Variants in SMAD2 observed in about 807,000 individuals in gnomAD.
SMAD2 encodes MAD homolog 2.
A neutral mutation model predicts 64.4 loss-of-function variants in SMAD2; 8 were observed. The ratio of observed to expected loss-of-function variants is 0.12; its 90% confidence interval spans 0.07 to 0.22. The LOEUF is 0.22. SMAD2 is among the 10% of genes least tolerant of loss of function. The pLI is 1.00. For missense variants in SMAD2, 289 were observed against 561.2 expected, an observed-to-expected ratio of 0.51 and a Z score of 4.90; for synonymous variants, 203 against 195.8, an observed-to-expected ratio of 1.04 and a Z score of -0.31.
chr18:47,844,116 C>T (rs1338481563), intron 10 of SMAD2, among the ~76,000 whole-genome samples: 1 of 152,078 alleles, frequency 6.6e-6, no homozygotes, highest in Non-Finnish European at 1.5e-5. Context: ...AACAGAACTA[C>T]AGCAAAATCA....
rs145958031 is a variant in SMAD2, at chr18:47,888,214, G to T, written c.236+8307C>A. On this transcript the variant is annotated intron_variant, in intron 2 of 10. Coordinates refer to ENST00000262160, the MANE Select transcript of SMAD2 (RefSeq NM_005901.6). ...GAAAAAAGGGAAAAAAAAAAAACTT[G>T]CTCAAAAGACAATGGAGAGCTATCA... Among the ~76,000 whole-genome samples, 1,059 of 151,966 alleles carry T rather than the reference G, an allele frequency of 7.0e-3. 9 individuals are homozygous for T. The highest frequency in any genetic ancestry group is 0.014 in the Middle Eastern group (4 of 294).
intron 1 of SMAD2, among the ~76,000 whole-genome samples, chr18:47,902,639 A>T (rs936401307): frequency 1.3e-5 from 2 of 152,224 alleles, no homozygotes; most frequent in African/African-American, 4.8e-5. Flanking sequence ...AAAGTATTCC[A>T]TAGAAGGAAT....
In SMAD2 at chr18:47,840,206, C is replaced by T; in HGVS notation, c.*1621G>A. 4.3e-6 allele frequency: 1 copy of T among 232,840 alleles called. No homozygotes were observed. The highest frequency in any genetic ancestry group is 6.0e-5 in the East Asian group (1 of 16,602). 14.4% of individuals were successfully genotyped at this position (232,840 alleles called of 1,614,324 possible). A position where few individuals can be genotyped will look rare whatever the true frequency, so the allele number is the denominator to read the frequency against. ...ATGTTGAAAGTATTGAAAATGATAC[C>T]TATAGAGACAGGTGGATATGATTTC... On this transcript the variant is annotated 3_prime_UTR_variant, in exon 11 of 11. Transcript: ENST00000262160.
intron 10 of SMAD2, among the ~76,000 whole-genome samples, 174 bp from the exon 11 acceptor site, chr18:47,842,124 T>C (rs1377340187): frequency 6.6e-6 from 1 of 152,248 alleles, no homozygotes; most frequent in Non-Finnish European, 1.5e-5. Flanking sequence ...GTACTTCTGA[T>C]GACCTTGTTT....
intron 7 of SMAD2, among the ~76,000 whole-genome samples, chr18:47,849,497 A>G (rs1914878817): frequency 6.6e-6 from 1 of 151,834 alleles, no homozygotes; most frequent in South Asian, 2.1e-4. Context: ...GTATATATAT[A>G]TATATATATA....
At chr18:47,893,039 C>T (rs1439316297) in intron 2 of SMAD2, among the ~76,000 whole-genome samples, 1 of 152,164 alleles carries the variant, frequency 6.6e-6, no homozygotes, top group African/African-American at 2.4e-5. Context: ...GATTCTTTAT[C>T]TAAATATCAA....
intron 2 of SMAD2, among the ~76,000 whole-genome samples, chr18:47,882,916 T>C (rs1238121453): frequency 1.3e-5 from 2 of 152,210 alleles, no homozygotes; most frequent in African/African-American, 4.8e-5. Flanking sequence ...TATTTGCTTA[T>C]AATCTTTTTA....
At position 47,841,791 on chromosome 18, in the gene SMAD2, C is replaced by G. The variant is rs2144275731; in HGVS notation, c.*36G>C. The G allele has an allele frequency of 6.2e-7, 1 of 1,613,302 alleles. No individual in the cohort carries two copies. Among genetic ancestry groups the G allele is most frequent in the Non-Finnish European group, 8.5e-7 (1 of 1,179,316 alleles). On this transcript the variant is annotated 3_prime_UTR_variant, in exon 11 of 11. Coordinates refer to ENST00000262160, the MANE Select transcript of SMAD2 (RefSeq NM_005901.6). ...CAATGCTATGACAGAAGAGTTGTTA[C>G]ATTAAGTCTTTTCATGGGACTTGAT... is the stretch of plus-strand genomic sequence containing the variant.
intron 6 of SMAD2, among the ~76,000 whole-genome samples, chr18:47,859,207 G>A (rs2030971989): frequency 6.6e-6 from 1 of 151,922 alleles, no homozygotes; most frequent in South Asian, 2.1e-4. Flanking sequence ...AAAACTGACA[G>A]GACTAAAGGC....
At chr18:47,920,191 C>G (rs1045976599) in intron 1 of SMAD2, 26 of 152,156 alleles carry the variant, frequency 1.7e-4, no homozygotes, top group African/African-American at 4.6e-4. Flanking sequence ...GGACAGAATG[C>G]TAACAACGGT....
chr18:47,852,657 G>C (rs567928610), intron 6 of SMAD2, among the ~76,000 whole-genome samples: 2 of 152,086 alleles, frequency 1.3e-5, no homozygotes, highest in African/African-American at 2.4e-5. Context: ...GGTTTACTAC[G>C]AGACATTATT....
At chr18:47,850,537 G>A (rs796532454) in intron 7 of SMAD2, among the ~76,000 whole-genome samples, 31 of 5,692 alleles carry the variant, frequency 5.4e-3, no homozygotes, top group Middle Eastern at 0.17. Flanking sequence ...TATAATATAT[G>A]TTATATATAT....
Position 47,841,649 on chromosome 18 carries a change from C to T in SMAD2, c.*178G>A. 2 of 658,672 alleles carry T rather than the reference C, an allele frequency of 3.0e-6. No individual in the cohort carries two copies. Among genetic ancestry groups the T allele is most frequent in the Non-Finnish European group, 5.4e-6 (2 of 373,770 alleles). 40.8% of individuals were successfully genotyped at this position (658,672 alleles called of 1,614,324 possible). On this transcript the variant is annotated 3_prime_UTR_variant, in exon 11 of 11. Transcript: ENST00000262160. ...AGAGTATTTCTAGACACTAATTTTC[C>T]CATCTAATATTCAAATATAGGAAAC...
intron 1 of SMAD2, among the ~76,000 whole-genome samples, chr18:47,907,340 A>G (rs2033945556): frequency 1.3e-5 from 2 of 152,248 alleles, no homozygotes; most frequent in African/African-American, 4.8e-5. Context: ...TCAGGAACAA[A>G]TATGAATGAG....
chr18:47,833,019 A>T lies in SMAD2; in HGVS notation c.*8808T>A, dbSNP rs919583608. On this transcript the variant is annotated 3_prime_UTR_variant, in exon 11 of 11. Transcript: ENST00000262160. ...TGGTTTCCATATAATTTAGGGAGTG[A>T]ACACCAAAATGTAATCCCATATAAA... 1 of 176,510 alleles carries T rather than the reference A, an allele frequency of 5.7e-6. No individual in the cohort carries two copies. The highest frequency in any genetic ancestry group is 1.2e-5 in the Non-Finnish European group (1 of 81,674). The allele number at this position is 176,510 out of a possible 1,614,324, so 10.9% of individuals were successfully genotyped here. A position where few individuals can be genotyped will look rare whatever the true frequency, so the allele number is the denominator to read the frequency against.
At chr18:47,875,683 T>C (rs993551250) in intron 2 of SMAD2, among the ~76,000 whole-genome samples, 5 of 152,178 alleles carry the variant, frequency 3.3e-5, no homozygotes, top group Admixed American at 6.5e-5. Context: ...TGTGTAACAC[T>C]TGAAAATCCT....
At chr18:47,866,529 A>T (rs1039889201) in intron 5 of SMAD2, among the ~76,000 whole-genome samples, 1 of 152,036 alleles carries the variant, frequency 6.6e-6, no homozygotes, top group Non-Finnish European at 1.5e-5. Context: ...AAGGGTACAT[A>T]TTATGCATAT....
At position 47,838,494 on chromosome 18, in the gene SMAD2, A is replaced by G. The variant is rs182107822; in HGVS notation, c.*3333T>C. 40 of 233,138 alleles carry G rather than the reference A, an allele frequency of 1.7e-4. No homozygotes were observed. The highest frequency in any genetic ancestry group is 8.1e-4 in the African/African-American group (37 of 45,446). 14.4% of individuals were successfully genotyped at this position (233,138 alleles called of 1,614,324 possible). A position where few individuals can be genotyped will look rare whatever the true frequency, so the allele number is the denominator to read the frequency against. ...CTGGGCAAACAACAGGCATCAATAA[A>G]TGTTTACTAACTGAATGTGTATTAT... On this transcript the variant is annotated 3_prime_UTR_variant, in exon 11 of 11. Coordinates refer to ENST00000262160, the MANE Select transcript of SMAD2 (RefSeq NM_005901.6).
chr18:47,926,180 T>A (rs890523252), intron 1 of SMAD2, among the ~76,000 whole-genome samples: 2 of 152,210 alleles, frequency 1.3e-5, no homozygotes, highest in African/African-American at 4.8e-5. Flanking sequence ...ATCTTGGTCA[T>A]AACAGCTACT....
Sources: gnomAD v4.1 joint callset for allele counts (sites outside exome capture counted in the v4.1 genomes callset) on GRCh38, gnomAD v4.1.1 for gene constraint, MANE v1.5 for transcripts, NCBI Gene and HGNC (gene_info 2026-07-23, HGNC 2026-07-21) for gene names.